The following GABRG3 variants were observed in gnomAD, a reference collection of about 807,000 sequenced individuals.
GABRG3 encodes gamma-aminobutyric acid receptor subunit gamma-3.
Under a neutral mutation model 48.8 loss-of-function variants are expected in GABRG3, and 25 were observed. That is an observed-to-expected ratio of 0.51 (90% confidence interval 0.37 to 0.72). GABRG3 has a LOEUF of 0.72. Among genes scored for constraint, GABRG3 ranks in the 30% least tolerant of loss-of-function variants. The probability of loss-of-function intolerance (pLI) is 0.00; values close to 1 mark genes in which losing one functional copy is unlikely to be tolerated. For synonymous variants in GABRG3, 227 were observed against 217.6 expected (o/e 1.04, Z -0.38); for missense variants, 394 against 577.9 (o/e 0.68, Z 3.26).
At chr15:27,128,724 G>C (rs1405906793) in intron 3 of GABRG3, among the ~76,000 whole-genome samples, 5 of 152,178 alleles carry the variant, frequency 3.3e-5, no homozygotes, top group African/African-American at 9.7e-5. Flanking sequence ...GTCCAGAACT[G>C]AAATGACTTA....
intron 5 of GABRG3, among the ~76,000 whole-genome samples, chr15:27,467,165 C>G (rs1174166919): frequency 6.6e-6 from 1 of 152,184 alleles, no homozygotes; most frequent in African/African-American, 2.4e-5. Flanking sequence ...TCTTCCTGGC[C>G]TGCAGATGTG....
intron 3 of GABRG3, among the ~76,000 whole-genome samples, chr15:27,304,680 T>A (rs1213178206): frequency 2.0e-5 from 3 of 152,042 alleles, no homozygotes; most frequent in African/African-American, 7.2e-5. Context: ...TTCTCTTACA[T>A]GGGCCTCAGT....
At chr15:27,154,399 C>A (rs1898379940) in intron 3 of GABRG3, among the ~76,000 whole-genome samples, 1 of 152,132 alleles carries the variant, frequency 6.6e-6, no homozygotes, top group African/African-American at 2.4e-5. Flanking sequence ...TGAGAGTGGG[C>A]ATCCCTGAAT....
rs543752174 is a variant in GABRG3, at chr15:27,534,779, G to A, written c.*1898G>A. ...TATTAAGATTGTTGCATATTAAACG[G>A]ATGCAAAGATATAGATATGTCTGAA... is the stretch of plus-strand genomic sequence containing the variant. On this transcript the variant is annotated 3_prime_UTR_variant, in exon 10 of 10. Transcript: ENST00000615808. The A allele has an allele frequency of 4.6e-5, 7 of 152,228 alleles. 1 individual carries two copies. Among genetic ancestry groups the A allele is most frequent in the African/African-American group, 1.7e-4 (7 of 41,536 alleles). 9.4% of individuals were successfully genotyped at this position (152,228 alleles called of 1,614,324 possible).
intron 5 of GABRG3, among the ~76,000 whole-genome samples, chr15:27,411,518 A>G (rs1566829056): frequency 6.6e-6 from 1 of 152,220 alleles, no homozygotes; most frequent in Non-Finnish European, 1.5e-5. Flanking sequence ...TTCTTCCTGC[A>G]TGAACTCTGC....
At chr15:27,233,601 G>A (rs150762412) in intron 3 of GABRG3, among the ~76,000 whole-genome samples, 1 of 152,194 alleles carries the variant, frequency 6.6e-6, no homozygotes, top group East Asian at 1.9e-4. Context: ...CCACCCTCAT[G>A]ACCTAATTTC....
intron 3 of GABRG3, among the ~76,000 whole-genome samples, chr15:27,043,583 C>A (rs4887546): frequency 0.27 from 41,338 of 152,100 alleles, 5,671 homozygotes; most frequent in Middle Eastern, 0.36. Context: ...TGCTTCCTTC[C>A]GCCCTTTTCT....
intron 5 of GABRG3, chr15:27,364,745 C>T (rs897068504): frequency 2.0e-5 from 3 of 152,152 alleles, no homozygotes; most frequent in Admixed American, 2.0e-4. Flanking sequence ...AACCTGGCTA[C>T]ATCATGATCA....
Position 27,243,498 on chromosome 15 carries a change from G to A in GABRG3, c.271-83311G>A, listed in dbSNP as rs555246695. ...GAGGCAAACGGAAGAGGGCATTCCC[G>A]TGGGATTGGTTAGGGGGCATATTTG... On this transcript the variant is annotated intron_variant, in intron 3 of 9. Transcript: ENST00000615808. Among the ~76,000 whole-genome samples the A allele has an allele frequency of 4.3e-3, 653 of 152,152 alleles. 3 individuals are homozygous for A. The highest frequency in any genetic ancestry group is 0.041 in the Middle Eastern group (12 of 294).
chr15:26,977,251 G>C, intron 2 of GABRG3, 101 bp downstream of exon 2: 1 of 1,238,126 alleles, frequency 8.1e-7, no homozygotes, highest in Non-Finnish European at 1.1e-6. Context: ...TGCAAAGATA[G>C]TGCAGAAAGG....
intron 3 of GABRG3, among the ~76,000 whole-genome samples, chr15:27,164,619 T>C (rs1465288385): frequency 6.6e-6 from 1 of 152,240 alleles, no homozygotes; most frequent in Non-Finnish European, 1.5e-5. Context: ...CAATTTGATG[T>C]ATTTGTCATG....
chr15:27,346,490 A>G (rs374345337), intron 5 of GABRG3, among the ~76,000 whole-genome samples: 6 of 152,184 alleles, frequency 3.9e-5, no homozygotes. Context: ...GTCTGTCATT[A>G]ATTTTGGAAG....
intron 3 of GABRG3, among the ~76,000 whole-genome samples, chr15:27,200,498 C>T (rs1057455992): frequency 2.0e-5 from 3 of 152,172 alleles, no homozygotes; most frequent in South Asian, 2.1e-4. Flanking sequence ...CATGCAACCT[C>T]GCCTCTCCAG....
intron 3 of GABRG3, among the ~76,000 whole-genome samples, chr15:27,168,051 A>AC (rs1002416136): frequency 1.1e-4 from 16 of 150,306 alleles, no homozygotes; most frequent in Non-Finnish European, 2.4e-4. Flanking sequence ...GACTCAGGGG[A>AC]CCCCCCTTTT....
rs1303670458 is a variant in GABRG3, at chr15:27,520,100, G to T, written c.841G>T (p.Ala281Ser). The change falls in exon 7 of 10, where the codon GCT becomes TCT. Residue 281 changes from alanine (A) to serine (S), a missense_variant. This residue lies in a region of GABRG3 where 50 missense variants were observed against 112.5 expected (regional missense o/e 0.44). Coordinates refer to ENST00000615808, the MANE Select transcript of GABRG3 (RefSeq NM_033223.5). Reference protein sequence around the residue: ...SWVSFWIKKDATPARTALGIT... With the variant: ...SWVSFWIKKDSTPARTALGIT... ...GGTGTCATTTTGGATCAAAAAAGATGCTACGCCAGCAAGAACAGCATTAGG... is the reference window on the plus strand; with the variant it reads ...GGTGTCATTTTGGATCAAAAAAGATTCTACGCCAGCAAGAACAGCATTAGG... 1.9e-6 allele frequency: 3 copies of T among 1,604,914 alleles called. No homozygotes were observed. In the African/African-American group the frequency reaches 4.0e-5, roughly 21 times the overall value.
chr15:27,257,142 A>G (rs986146554), intron 3 of GABRG3, among the ~76,000 whole-genome samples: 1 of 151,886 alleles, frequency 6.6e-6, no homozygotes, highest in Non-Finnish European at 1.5e-5. Flanking sequence ...TGTGGTTTTA[A>G]TTTGCATTTC....
chr15:27,369,806 C>CAAAAA lies in GABRG3; in HGVS notation c.574+40942_574+40946dup, dbSNP rs34901488. Reference sequence around the variant, plus strand: ...TGGGCGACAGAGTGAGACTCCGTCTCAAAAAAAAAAAAAAAAAAAAAAAAA... The same window carrying CAAAAA: ...TGGGCGACAGAGTGAGACTCCGTCTCAAAAAAAAAAAAAAAAAAAAAAAAAAAAAA... On this transcript the variant is annotated intron_variant, in intron 5 of 9. Transcript: ENST00000615808. 5.9e-4 allele frequency among the ~76,000 whole-genome samples: 18 copies of CAAAAA among 30,256 alleles called. 1 individual carries two copies. The highest frequency in any genetic ancestry group is 1.6e-3 in the African/African-American group (18 of 11,126). The allele number at this position is 30,256 out of a possible 152,430, so 19.8% of individuals were successfully genotyped here.
intron 5 of GABRG3, among the ~76,000 whole-genome samples, chr15:27,474,592 C>T (rs990668888): frequency 2.0e-5 from 3 of 152,156 alleles, no homozygotes; most frequent in African/African-American, 7.2e-5. Context: ...TGATCAAATG[C>T]ATTCACGACC....
At chr15:27,484,445 AT>A (rs1890172803) in intron 6 of GABRG3, among the ~76,000 whole-genome samples, 1 of 152,200 alleles carries the variant, frequency 6.6e-6, no homozygotes, top group Non-Finnish European at 1.5e-5. Context: ...TTTTCATTAA[AT>A]GTTATTAATT....
Sources: allele counts gnomAD v4.1 joint callset (sites outside exome capture counted in the v4.1 genomes callset), GRCh38; gene constraint gnomAD v4.1.1; regional missense constraint gnomAD v4.1.1; transcripts MANE v1.5; gene names NCBI Gene and HGNC (gene_info 2026-07-23, HGNC 2026-07-21).